The following ITFG1 variants were observed in gnomAD, a reference collection of about 807,000 sequenced individuals.
The protein encoded by ITFG1 is integrin alpha FG-GAP repeat containing 1, also known as T-cell immunomodulatory protein.
Under a neutral mutation model 81.8 loss-of-function variants are expected in ITFG1, and 34 were observed. The observed-to-expected ratio is 0.42, with a 90% CI of 0.32 to 0.55. The LOEUF is 0.55. ITFG1 is among the 20% of genes least tolerant of loss of function. The pLI, the probability that ITFG1 is intolerant of heterozygous loss-of-function variation, is 0.17. For synonymous variants in ITFG1, 285 were observed against 270.6 expected, an observed-to-expected ratio of 1.05 and a Z score of -0.52; for missense variants, 672 against 755.4, an observed-to-expected ratio of 0.89 and a Z score of 1.29.
intron 6 of ITFG1, among the ~76,000 whole-genome samples, chr16:47,421,510 G>A (rs1282214890): frequency 6.6e-6 from 1 of 151,932 alleles, no homozygotes; most frequent in African/African-American, 2.4e-5. Context: ...TCAGAATGTT[G>A]GCAAGGATGG....
intron 14 of ITFG1, among the ~76,000 whole-genome samples, chr16:47,182,490 AC>A (rs1965140311): frequency 1.3e-5 from 2 of 152,004 alleles, no homozygotes; most frequent in Admixed American, 1.3e-4. Context: ...TAATCCCTTG[AC>A]CCCCTTGAGC....
At chr16:47,252,303 A>G (rs979585758) in intron 12 of ITFG1, among the ~76,000 whole-genome samples, 8 of 152,220 alleles carry the variant, frequency 5.3e-5, no homozygotes, top group African/African-American at 1.9e-4. Context: ...ATTTCAACAA[A>G]ACCCAGAGGC....
rs1967254580 is a variant in ITFG1 at position 47,311,243 on chromosome 16, C to T, written c.1067G>A (p.Gly356Glu). The T allele has an allele frequency of 1.2e-6, 2 of 1,602,334 alleles. No individual in the cohort carries two copies. The highest frequency in any genetic ancestry group is 1.7e-6 in the Non-Finnish European group (2 of 1,174,238). Residue 356 changes from glycine to glutamate, a missense_variant, in exon 10 of 18, where the codon GGA becomes GAA. Physicochemically the swap from Gly to Glu is moderately conservative, Grantham distance 98. Coordinates refer to ENST00000320640, the MANE Select transcript of ITFG1 (RefSeq NM_030790.5). ...TCACTTGATTTAATTTCCTTACCTT[C>T]CAGATGTGTTCTTTAGTATGACCAG... Reference protein sequence around the residue: ...DALVILKNTSGSNQQAFLLEN... With the variant: ...DALVILKNTSESNQQAFLLEN...
intron 10 of ITFG1, among the ~76,000 whole-genome samples, chr16:47,293,165 A>ATATATATCATACAAATGATATATAT (rs1966932343): frequency 2.4e-5 from 3 of 123,838 alleles, no homozygotes; most frequent in Admixed American, 1.5e-4. Flanking sequence ...ATGATATATA[A>ATATATATCATACAAATGATATATAT]TATATATCAT....
intron 3 of ITFG1, among the ~76,000 whole-genome samples, chr16:47,453,126 C>A (rs968374252): frequency 6.6e-6 from 1 of 152,204 alleles, no homozygotes; most frequent in East Asian, 1.9e-4. Flanking sequence ...AAGAAGGCCA[C>A]ATATGCAAAA....
chr16:47,398,149 T>C (rs1968615112), intron 6 of ITFG1, among the ~76,000 whole-genome samples: 1 of 152,178 alleles, frequency 6.6e-6, no homozygotes, highest in African/African-American at 2.4e-5. Flanking sequence ...GCTGCATGGC[T>C]TTTAACAGCC....
At chr16:47,426,920 A>AT (rs1002506897) in intron 6 of ITFG1, among the ~76,000 whole-genome samples, 1 of 152,226 alleles carries the variant, frequency 6.6e-6, no homozygotes, top group African/African-American at 2.4e-5. Flanking sequence ...CAATTAGTAC[A>AT]TTATATAAAA....
chr16:47,409,396 ATATATATATTTTTTTTTTTTTTT>A (rs1968775800), intron 6 of ITFG1, among the ~76,000 whole-genome samples: 1 of 15,120 alleles, frequency 6.6e-5, no homozygotes, highest in African/African-American at 3.1e-4. Context: ...ATATATATAT[ATATATATATTTTTTTTTTTTTTT>A]TTTTTTTTTT....
intron 14 of ITFG1, among the ~76,000 whole-genome samples, chr16:47,216,591 C>G (rs116387952): frequency 0.011 from 1,688 of 152,206 alleles, 34 homozygotes; most frequent in African/African-American, 0.038. Context: ...AAATTGTATT[C>G]CTCAAGATAA....
intron 8 of ITFG1, among the ~76,000 whole-genome samples, chr16:47,329,097 A>T (rs1259157717): frequency 6.6e-6 from 1 of 152,186 alleles, no homozygotes; most frequent in African/African-American, 2.4e-5. Context: ...AAGCACCATA[A>T]AATGATGGTA....
intron 14 of ITFG1, among the ~76,000 whole-genome samples, chr16:47,188,840 C>T (rs934290290): frequency 1.3e-5 from 2 of 152,170 alleles, no homozygotes; most frequent in Non-Finnish European, 2.9e-5. Context: ...TCTTGGCTCA[C>T]TGCAACCTCC....
intron 6 of ITFG1, among the ~76,000 whole-genome samples, chr16:47,425,293 C>T (rs530676296): frequency 6.6e-6 from 1 of 152,266 alleles, no homozygotes; most frequent in South Asian, 2.1e-4. Context: ...TTGCTAAGAC[C>T]GTGGGAAAAG....
chr16:47,159,757 G>C (rs1031804949), intron 16 of ITFG1, among the ~76,000 whole-genome samples: 12 of 152,020 alleles, frequency 7.9e-5, no homozygotes, highest in Non-Finnish European at 1.6e-4. Flanking sequence ...ATAGGTAATG[G>C]CTATATTTTT....
chr16:47,368,030 G>T (rs968389510), intron 7 of ITFG1, among the ~76,000 whole-genome samples: 6 of 151,812 alleles, frequency 4.0e-5, no homozygotes, highest in African/African-American at 9.7e-5. Flanking sequence ...GTCAGGAGAT[G>T]AAGACCATCC....
chr16:47,299,889 T>C (rs1325079932), intron 10 of ITFG1: 1 of 152,284 alleles, frequency 6.6e-6, no homozygotes, highest in East Asian at 1.9e-4. Context: ...CTGGAGCCAA[T>C]GCCACACTTG....
intron 5 of ITFG1, among the ~76,000 whole-genome samples, chr16:47,446,014 C>T (rs956464999): frequency 9.2e-5 from 14 of 151,960 alleles, no homozygotes; most frequent in Non-Finnish European, 1.9e-4. Context: ...TTGAATTAGA[C>T]TCTTAAGTCA....
chr16:47,237,784 G>C (rs892571705), intron 13 of ITFG1, among the ~76,000 whole-genome samples, 181 bp downstream of exon 13: 1 of 152,118 alleles, frequency 6.6e-6, no homozygotes, highest in Admixed American at 6.5e-5. Flanking sequence ...GACCGTTCAG[G>C]TAAGACATTT....
At chr16:47,226,667 C>T (rs754738683) in intron 13 of ITFG1, among the ~76,000 whole-genome samples, 28 of 151,958 alleles carry the variant, frequency 1.8e-4, no homozygotes, top group Admixed American at 4.6e-4. Flanking sequence ...ATGATGGTTT[C>T]TATTAAAACA....
chr16:47,377,808 C>T (rs560195040), intron 6 of ITFG1, among the ~76,000 whole-genome samples: 28 of 152,272 alleles, frequency 1.8e-4, no homozygotes, highest in Middle Eastern at 3.4e-3. Flanking sequence ...TCATGCCTAA[C>T]GGATTTTTCT....
Sources: allele counts gnomAD v4.1 joint callset (sites outside exome capture counted in the v4.1 genomes callset), GRCh38; gene constraint gnomAD v4.1.1; transcripts MANE v1.5; gene names NCBI Gene and HGNC (gene_info 2026-07-23, HGNC 2026-07-21).